The following CYP27B1 variants were observed in gnomAD, a reference collection of about 807,000 sequenced individuals.
CYP27B1 encodes cytochrome P450 family 27 subfamily B member 1, also known as 25-hydroxyvitamin D-1 alpha hydroxylase, mitochondrial.
CYP27B1 carries 46 observed loss-of-function variants against 54.8 expected under a neutral mutation model. The ratio of observed to expected loss-of-function variants is 0.84; its 90% CI spans 0.66 to 1.07. CYP27B1 has a LOEUF of 1.07. Ranked by LOEUF, CYP27B1 falls within the 50% of genes least tolerant of loss-of-function variation. The pLI is 0.00. For missense variants in CYP27B1, 674 were observed against 692.2 expected (o/e 0.97, Z 0.30); for synonymous variants, 292 against 297.3 (o/e 0.98, Z 0.18).
chr12:57,763,631 A>G lies in CYP27B1; in HGVS notation c.1393T>C (p.Leu465=), dbSNP rs1342411955. 1 of 1,613,614 alleles carries G rather than the reference A, an allele frequency of 6.2e-7. No individual in the cohort carries two copies. The highest frequency in any genetic ancestry group is 8.5e-7 in the Non-Finnish European group (1 of 1,179,898). ...CTCACCTGGGCCAAAGCCATTTGCA[A>G]TTCAAGCTCTGCCAGGCGTCTCCCC... ...CMGRRLAELE[L]QMALAQILTH... is the part of the protein sequence containing the mutation. The change falls in exon 8 of 9, where the codon TTG becomes CTG. Residue 465 remains leucine, a synonymous_variant. Coordinates refer to ENST00000228606, the MANE Select transcript of CYP27B1 (RefSeq NM_000785.4).
rs1955367824 is a variant in CYP27B1 at position 57,766,975 on chromosome 12, C to G, written c.67G>C (p.Ala23Pro). The G allele has an allele frequency of 6.2e-7, 1 of 1,614,162 alleles. No homozygotes were observed. Among genetic ancestry groups the G allele is most frequent in the Non-Finnish European group, 8.5e-7 (1 of 1,180,022 alleles). The stretch of plus-strand genomic sequence containing the variant: ...TGGTACTCTCGGTAGCCTAGGGAGG[C>G]GCCCAACTCGGGCGCCCAGCGGACG... ...HRVRWAPELG[A>P]SLGYREYHSA... Residue 23 changes from alanine (A) to proline (P), a missense_variant, in exon 1 of 9, where the codon GCC (alanine) becomes CCC (proline). Transcript: ENST00000228606.
At position 57,766,751 on chromosome 12, in the gene CYP27B1, G is replaced by A. The variant is rs374882356; in HGVS notation, c.195+96C>T. 1.3e-4 allele frequency: 177 copies of A among 1,326,150 alleles called. 6 individuals carry two copies. Among genetic ancestry groups the A allele is most frequent in the East Asian group, 7.2e-4 (31 of 43,142 alleles). 82.1% of individuals were successfully genotyped at this position (1,326,150 alleles called of 1,614,324 possible). ...ATTTCATGGGCATCCGTTCTCTCTG[G>A]CTGTCCCACATTTGCTCTGCACTAG... On this transcript the variant is annotated intron_variant, in intron 1 of 8. Coordinates refer to ENST00000228606, the MANE Select transcript of CYP27B1 (RefSeq NM_000785.4).
rs368166625 is a variant in CYP27B1, at chr12:57,765,224, G to C, written c.590-13C>G. On this transcript the variant is annotated splice_polypyrimidine_tract_variant and intron_variant, in intron 3 of 8. Coordinates refer to ENST00000228606, the MANE Select transcript of CYP27B1 (RefSeq NM_000785.4). The surrounding 1 kb of genome is among the most constrained non-coding windows in gnomAD (Gnocchi z 5.8). ...ACCGCGGCGATGCCTTGTCGGGAGG[G>C]GGCGCCGTCAGGGTTCCGGGAGGCT... The C allele has an allele frequency of 1.2e-6, 2 of 1,611,694 alleles. No individual in the cohort carries two copies. The highest frequency in any genetic ancestry group is 1.7e-6 in the Non-Finnish European group (2 of 1,179,150).
chr12:57,764,003 G>T, intron 7 of CYP27B1, 95 bp downstream of exon 7: 1 of 1,176,208 alleles, frequency 8.5e-7, no homozygotes, highest in Non-Finnish European at 1.3e-6. Flanking sequence ...CAAGGGGAGT[G>T]TTTGAAGGGC....
rs1955331301 is a variant in CYP27B1 at position 57,763,079 on chromosome 12, C to G, written c.*63G>C. 4.1e-6 allele frequency: 5 copies of G among 1,213,762 alleles called. No homozygotes were observed. The highest frequency in any genetic ancestry group is 6.0e-6 in the Non-Finnish European group (5 of 826,602). 75.2% of individuals were successfully genotyped at this position (1,213,762 alleles called of 1,614,324 possible). A position where few individuals can be genotyped will look rare whatever the true frequency, so the allele number is the denominator to read the frequency against. ...GAAGATGTATACCTTGGTCTTGTGCCTACAAAAAATCTTATCCCTATGATG... is the reference window on the plus strand; with the variant it reads ...GAAGATGTATACCTTGGTCTTGTGCGTACAAAAAATCTTATCCCTATGATG... On this transcript the variant is annotated 3_prime_UTR_variant, in exon 9 of 9. Coordinates refer to ENST00000228606, the MANE Select transcript of CYP27B1 (RefSeq NM_000785.4).
At chr12:57,766,419 G>A (rs1955361183) in intron 1 of CYP27B1, 2 of 595,734 alleles carry the variant, frequency 3.4e-6, no homozygotes, top group Non-Finnish European at 5.7e-6. Context: ...TTTGTGCAAG[G>A]CAGACATTCA....
rs28934604 is a variant in CYP27B1 at position 57,766,073 on chromosome 12, C to T, written c.320G>A (p.Arg107His). ...LLRQEGPRPERCSFSPWTEHR... is the reference protein window; with the variant it reads ...LLRQEGPRPEHCSFSPWTEHR... ...CTCCGTCCAGGGCGAGAAGCTGCAG[C>T]GCTCGGGCCGGGGTCCCTCCTGTCG... is the stretch of plus-strand genomic sequence containing the variant. The change falls in exon 2 of 9, where the codon CGC becomes CAC. Residue 107 changes from arginine to histidine, a missense_variant. Coordinates refer to ENST00000228606, the MANE Select transcript of CYP27B1 (RefSeq NM_000785.4). 3.9e-6 allele frequency: 6 copies of T among 1,554,422 alleles called. No homozygotes were observed. In the East Asian group the frequency reaches 1.2e-4, roughly 31 times the overall value.
At chr12:57,766,803 CA>C in intron 1 of CYP27B1, 43 bp downstream of exon 1, 1 of 1,602,442 alleles carries the variant, frequency 6.2e-7, no homozygotes, top group South Asian at 1.1e-5. Context: ...CTGTCAAAAC[CA>C]GTTTCCCCAG....
chr12:57,763,384 C>T, intron 8 of CYP27B1, 129 bp from the exon 9 acceptor site: 1 of 865,414 alleles, frequency 1.2e-6, no homozygotes, highest in Admixed American at 2.0e-5. Flanking sequence ...GCACCTGTGG[C>T]CAGTAGGGGA....
In CYP27B1 at chr12:57,766,355, C is replaced by T. The variant is rs1354187258; in HGVS notation, c.196-158G>A. The T allele has an allele frequency of 7.0e-6, 7 of 1,002,404 alleles. 1 individual carries two copies. The highest frequency in any genetic ancestry group is 4.0e-5 in the South Asian group (2 of 50,202). 62.1% of individuals were successfully genotyped at this position (1,002,404 alleles called of 1,614,324 possible). A position where few individuals can be genotyped will look rare whatever the true frequency, so the allele number is the denominator to read the frequency against. ...TATGCCTTTGATACTGCAAACTCCT[C>T]CTCTCTCATTTCCCATCCCTAGAAA... On this transcript the variant is annotated intron_variant, in intron 1 of 8. Transcript: ENST00000228606.
Position 57,764,916 on chromosome 12 carries a change from G to A in CYP27B1, c.801C>T (p.His267=), listed in dbSNP as rs150334927. Residue 267 remains histidine, a synonymous_variant, in exon 5 of 9, where the codon CAC becomes CAT. Transcript: ENST00000228606. ...WDQMFAFAQR[H]VERREAEAAM... ...CTGCCTCTGCCTCTCGCCGCTCCAC[G>A]TGCCTCTGAGCTGCGTGGGTAGAAG... 3.6e-5 allele frequency: 58 copies of A among 1,613,972 alleles called. No individual in the cohort carries two copies. The highest frequency in any genetic ancestry group is 3.9e-5 in the Non-Finnish European group (46 of 1,180,042).
At position 57,765,221 on chromosome 12, in the gene CYP27B1, A is replaced by AG; in HGVS notation, c.590-11dup. On this transcript the variant is annotated splice_polypyrimidine_tract_variant and intron_variant, in intron 3 of 8. Coordinates refer to ENST00000228606, the MANE Select transcript of CYP27B1 (RefSeq NM_000785.4). This position sits in a 1 kb window ranked among gnomAD's most constrained non-coding sequence, Gnocchi z 5.8. ...AGAACCGCGGCGATGCCTTGTCGGG[A>AG]GGGGGCGCCGTCAGGGTTCCGGGAG... 2 of 1,611,802 alleles carry AG rather than the reference A, an allele frequency of 1.2e-6. No homozygotes were observed. The highest frequency in any genetic ancestry group is 1.7e-6 in the Non-Finnish European group (2 of 1,179,190).
At position 57,767,037 on chromosome 12, in the gene CYP27B1, G is replaced by A. The variant is rs888983913; in HGVS notation, c.5C>T (p.Thr2Ile). 3 of 1,614,142 alleles carry A rather than the reference G, an allele frequency of 1.9e-6. No individual in the cohort carries two copies. The highest frequency in any genetic ancestry group is 2.5e-6 in the Non-Finnish European group (3 of 1,180,002). The change falls in exon 1 of 9, where the codon ACC becomes ATC. Residue 2 changes from threonine to isoleucine, a missense_variant. Physicochemically the swap from Thr to Ile is moderately conservative, Grantham distance 89. Transcript: ENST00000228606. The stretch of plus-strand genomic sequence containing the variant: ...TCTGGAGGCGTACTTGAGGGTCTGG[G>A]TCATGGTCTGGTTCAGGGTGCTCGC... M[T>I]QTLKYASRVF...
intron 5 of CYP27B1, 89 bp downstream of exon 5, chr12:57,764,665 T>C (rs1955343766): frequency 6.3e-7 from 1 of 1,597,482 alleles, no homozygotes; most frequent in African/African-American, 1.3e-5. Context: ...TACGTGGCCA[T>C]AATGGATCCC....
In CYP27B1 at chr12:57,765,045, G is replaced by T. The variant is rs1955347333; in HGVS notation, c.756C>A (p.Arg252=). ...ACATCTGGTCCCAGTCTCGGCAGAG[G>T]CGGCCCCAGGGCCCAGGCACAAGGT... The part of the protein sequence containing the change: ...LRHLVPGPWG[R]LCRDWDQMFA... Residue 252 remains arginine, a synonymous_variant, in exon 4 of 9, where the codon CGC becomes CGA. Transcript: ENST00000228606. This position sits in a 1 kb window ranked among gnomAD's most constrained non-coding sequence, Gnocchi z 5.8. 1 of 1,613,672 alleles carries T rather than the reference G, an allele frequency of 6.2e-7. No homozygotes were observed. Among genetic ancestry groups the T allele is most frequent in the Non-Finnish European group, 8.5e-7 (1 of 1,180,042 alleles).
rs529738756 is a variant in CYP27B1 at position 57,765,740 on chromosome 12, A to T, written c.387-241T>A. The T allele has an allele frequency of 1.2e-3, 1,001 of 807,420 alleles. 16 individuals carry two copies. The South Asian group carries it at 0.015, about 12-fold the overall frequency. 50.0% of individuals were successfully genotyped at this position (807,420 alleles called of 1,614,324 possible). ...AGTCACAGAACCTTACATTCATTCC[A>T]TCCAGATCCTTGTACCCTAGCCCAA... On this transcript the variant is annotated intron_variant, in intron 2 of 8. Coordinates refer to ENST00000228606, the MANE Select transcript of CYP27B1 (RefSeq NM_000785.4). The surrounding 1 kb of genome is among the most constrained non-coding windows in gnomAD (Gnocchi z 5.8).
Position 57,765,348 on chromosome 12 carries a change from G to A in CYP27B1, c.538C>T (p.Pro180Ser). The A allele has an allele frequency of 6.2e-7, 1 of 1,613,414 alleles. No homozygotes were observed. Among genetic ancestry groups the A allele is most frequent in the South Asian group, 1.1e-5 (1 of 91,064 alleles). ...CCCGCCACGTCCCGAACCAGGGCGG[G>A]CGGCCCCGTGCCACGTCCCCGCTGG... Reference protein sequence around the residue: ...RRQRGRGTGPPALVRDVAGEF... With the variant: ...RRQRGRGTGPSALVRDVAGEF... The change falls in exon 3 of 9, where the codon CCC (proline) becomes TCC (serine). Residue 180 changes from proline (P) to serine (S), a missense_variant. Pro to Ser is a moderately conservative substitution (Grantham distance 74). Coordinates refer to ENST00000228606, the MANE Select transcript of CYP27B1 (RefSeq NM_000785.4). The surrounding 1 kb of genome is among the most constrained non-coding windows in gnomAD (Gnocchi z 5.8).
chr12:57,763,698 TGGGTGGG>T lies in CYP27B1; in HGVS notation c.1319_1325del (p.Pro440HisfsTer32). 1.9e-6 allele frequency: 3 copies of T among 1,550,222 alleles called. No individual in the cohort carries two copies. Among genetic ancestry groups the T allele is most frequent in the Non-Finnish European group, 2.7e-6 (3 of 1,125,460 alleles). On this transcript the variant is annotated frameshift_variant, in exon 8 of 9. Coordinates refer to ENST00000228606, the MANE Select transcript of CYP27B1 (RefSeq NM_000785.4). LOFTEE classifies it high-confidence loss of function. Reference sequence around the variant, plus strand: ...CAAAGCCAAAGGGAAGAGATGCAAATGGGTGGGGGGTGGGACCCTCCCCCAGCCAGCG... The same window carrying T: ...CAAAGCCAAAGGGAAGAGATGCAAATGGGTGGGACCCTCCCCCAGCCAGCG...
At chr12:57,764,717 C>G in intron 5 of CYP27B1, 37 bp downstream of exon 5, 1 of 1,613,624 alleles carries the variant, frequency 6.2e-7, no homozygotes, top group Non-Finnish European at 8.5e-7. Context: ...GAGGCTAAGC[C>G]CTGGAACCGG....
Sources: allele counts gnomAD v4.1 joint callset, GRCh38; gene constraint gnomAD v4.1.1; non-coding constraint Gnocchi (gnomAD v3.1); transcripts MANE v1.5; gene names NCBI Gene and HGNC (gene_info 2026-07-23, HGNC 2026-07-21).